Variants in ACKR2 observed in about 807,000 individuals in gnomAD.
The protein encoded by ACKR2 is atypical chemokine receptor 2, also known as C-C chemokine receptor D6.
For missense variants in ACKR2, 457 were observed against 477.3 expected (o/e 0.96, Z 0.40); for synonymous variants, 207 against 192.2 (o/e 1.08, Z -0.64).
At chr3:42,849,727 T>C (rs1023813318) in intron 2 of ACKR2, among the ~76,000 whole-genome samples, 2 of 152,338 alleles carry the variant, frequency 1.3e-5, no homozygotes, top group African/African-American at 2.4e-5. Context: ...ATTTGAATGG[T>C]TGGCCACATG....
intron 2 of ACKR2, among the ~76,000 whole-genome samples, chr3:42,845,861 A>AG (rs1165951251): frequency 2.6e-5 from 4 of 151,554 alleles, no homozygotes; most frequent in Non-Finnish European, 5.9e-5. Flanking sequence ...AAAAAAAAAA[A>AG]AAAAGAAAAA....
At chr3:42,821,309 T>C (rs745973074) in intron 2 of ACKR2, among the ~76,000 whole-genome samples, 17 of 152,198 alleles carry the variant, frequency 1.1e-4, no homozygotes, top group Admixed American at 2.0e-4. Flanking sequence ...CCCTTTTCCT[T>C]ACATACGTGT....
chr3:42,864,964 G>C lies in ACKR2; in HGVS notation c.462G>C (p.Arg154Ser). Reference sequence around the variant, plus strand: ...TCGTTCATGCTCAGCCCTACCACAGGCTGAGGACCCGGGCCAAGAGCCTGC... The same window carrying C: ...TCGTTCATGCTCAGCCCTACCACAGCCTGAGGACCCGGGCCAAGAGCCTGC... Reference protein sequence around the residue: ...LEIVHAQPYHRLRTRAKSLLL... With the variant: ...LEIVHAQPYHSLRTRAKSLLL... Residue 154 changes from arginine (R) to serine (S), a missense_variant, in exon 3 of 3, where the codon AGG (arginine) becomes AGC (serine). Transcript: ENST00000422265. 1 of 1,614,130 alleles carries C rather than the reference G, an allele frequency of 6.2e-7. No homozygotes were observed. The highest frequency in any genetic ancestry group is 8.5e-7 in the Non-Finnish European group (1 of 1,180,020).
rs201273472 is a variant in ACKR2 at position 42,864,752 on chromosome 3, T to C, written c.250T>C (p.Tyr84His). The change falls in exon 3 of 3, where the codon TAT becomes CAT. Residue 84 changes from tyrosine (Y) to histidine (H), a missense_variant. Coordinates refer to ENST00000422265, the MANE Select transcript of ACKR2 (RefSeq NM_001296.5). ...GCCTCGCAGGCGGATGGTTGAGATC[T>C]ATCTGCTGAATCTGGCCATCTCCAA... is the stretch of plus-strand genomic sequence containing the variant. ...YVPRRRMVEI[Y>H]LLNLAISNLL... is the part of the protein sequence containing the mutation. 7 of 1,614,224 alleles carry C rather than the reference T, an allele frequency of 4.3e-6. No homozygotes were observed. In the African/African-American group the frequency reaches 9.3e-5, roughly 22 times the overall value.
intron 2 of ACKR2, among the ~76,000 whole-genome samples, chr3:42,855,537 C>T (rs1467576025): frequency 6.6e-6 from 1 of 151,122 alleles, no homozygotes; most frequent in African/African-American, 2.4e-5. Context: ...GGGGTAAAGG[C>T]CTGATTGCTG....
At chr3:42,862,415 C>T (rs754065558) in intron 2 of ACKR2, among the ~76,000 whole-genome samples, 7 of 152,066 alleles carry the variant, frequency 4.6e-5, no homozygotes, top group Non-Finnish European at 1.0e-4. Context: ...AAATGAATAT[C>T]GTGAAAATGG....
chr3:42,828,735 A>T (rs34582006), intron 2 of ACKR2, among the ~76,000 whole-genome samples: 32,557 of 152,080 alleles, frequency 0.21, 4,432 homozygotes, highest in Non-Finnish European at 0.31. Flanking sequence ...TAATCAGGGG[A>T]TTCTTTTCAA....
chr3:42,837,172 G>A (rs1040043550), intron 2 of ACKR2, among the ~76,000 whole-genome samples: 1 of 152,140 alleles, frequency 6.6e-6, no homozygotes, highest in Non-Finnish European at 1.5e-5. Context: ...TGAGAAGCAG[G>A]GGGGCCACTG....
intron 1 of ACKR2, among the ~76,000 whole-genome samples, chr3:42,817,193 C>T (rs566762413): frequency 6.6e-6 from 1 of 152,148 alleles, no homozygotes; most frequent in African/African-American, 2.4e-5. Flanking sequence ...GTTAGATCCT[C>T]TCACCAAACC....
chr3:42,818,762 A>G (rs1428581008), intron 1 of ACKR2, among the ~76,000 whole-genome samples: 1 of 152,144 alleles, frequency 6.6e-6, no homozygotes, highest in African/African-American at 2.4e-5. Context: ...AGGTTTCGCC[A>G]TGTTGATCAG....
intron 2 of ACKR2, among the ~76,000 whole-genome samples, chr3:42,845,934 GGA>G (rs1701090768): frequency 6.6e-6 from 1 of 152,016 alleles, no homozygotes. Context: ...ATGTATCTGG[GGA>G]GAGGGGAAAA....
intron 2 of ACKR2, among the ~76,000 whole-genome samples, chr3:42,840,168 G>A (rs1701021959): frequency 6.8e-6 from 1 of 146,836 alleles, no homozygotes; most frequent in African/African-American, 2.5e-5. Context: ...ACTGAGGCAG[G>A]AGAATGGCGT....
rs1382377286 is a variant in ACKR2, at chr3:42,866,007, T to A, written c.*350T>A. 4 of 242,502 alleles carry A rather than the reference T, an allele frequency of 1.6e-5. No homozygotes were observed. The highest frequency in any genetic ancestry group is 3.2e-5 in the Non-Finnish European group (4 of 124,226). The allele number at this position is 242,502 out of a possible 1,614,324, so 15.0% of individuals were successfully genotyped here. ...TCCTTCTGACAGGGTCTTGCTCTAT[T>A]GCTCTGTCACCCAGGCTGGAATGCA... On this transcript the variant is annotated 3_prime_UTR_variant, in exon 3 of 3. Coordinates refer to ENST00000422265, the MANE Select transcript of ACKR2 (RefSeq NM_001296.5).
intron 2 of ACKR2, among the ~76,000 whole-genome samples, chr3:42,845,308 G>T (rs1452076465): frequency 1.3e-5 from 2 of 152,168 alleles, no homozygotes; most frequent in African/African-American, 4.8e-5. Flanking sequence ...GACCCTTCCT[G>T]AGTCTCACTG....
At chr3:42,812,348 G>A (rs2125600911) in intron 1 of ACKR2, among the ~76,000 whole-genome samples, 1 of 152,316 alleles carries the variant, frequency 6.6e-6, no homozygotes, top group African/African-American at 2.4e-5. Flanking sequence ...CTTTATGAGA[G>A]AGACAAAGTA....
chr3:42,839,497 G>A (rs1419293448), intron 2 of ACKR2, among the ~76,000 whole-genome samples: 1 of 152,126 alleles, frequency 6.6e-6, no homozygotes, highest in Non-Finnish European at 1.5e-5. Context: ...TTGAAGCAAT[G>A]AGAATGAATG....
At chr3:42,814,470 A>G (rs1474691546) in intron 1 of ACKR2, among the ~76,000 whole-genome samples, 3 of 152,216 alleles carry the variant, frequency 2.0e-5, no homozygotes, top group Non-Finnish European at 2.9e-5. Flanking sequence ...CGTATCTTCC[A>G]TAGGAGAAAC....
At chr3:42,860,273 G>A (rs181969737) in intron 2 of ACKR2, among the ~76,000 whole-genome samples, 2 of 148,904 alleles carry the variant, frequency 1.3e-5, no homozygotes, top group East Asian at 4.1e-4. Context: ...TTACATAATG[G>A]TAAAGGGATC....
intron 1 of ACKR2, among the ~76,000 whole-genome samples, chr3:42,818,909 T>A (rs969337833): frequency 7.2e-5 from 11 of 152,118 alleles, no homozygotes; most frequent in Non-Finnish European, 1.6e-4. Context: ...TGCTGTCAGG[T>A]TGTCACTAAA....
Sources: allele counts gnomAD v4.1 joint callset (sites outside exome capture counted in the v4.1 genomes callset), GRCh38; gene constraint gnomAD v4.1.1; transcripts MANE v1.5; gene names NCBI Gene and HGNC (gene_info 2026-07-23, HGNC 2026-07-21).